The following CENPI variants were observed in gnomAD, a reference collection of about 807,000 sequenced individuals.
CENPI encodes centromere protein I.
Under a neutral mutation model 60.4 loss-of-function variants are expected in CENPI, and 4 were observed. The ratio of observed to expected loss-of-function variants is 0.07; its 90% confidence interval spans 0.03 to 0.15. The LOEUF (loss-of-function observed/expected upper bound fraction) is 0.15. CENPI is among the 10% of genes least tolerant of loss of function. The pLI, the probability that CENPI is intolerant of heterozygous loss-of-function variation, is 1.00. For synonymous variants in CENPI, 157 were observed against 189.4 expected (o/e 0.83, Z 1.40); for missense variants, 444 against 534.5 (o/e 0.83, Z 1.67).
chrX:101,164,374 C>T lies in CENPI; in HGVS notation c.*1407C>T, dbSNP rs1255176679. On this transcript the variant is annotated 3_prime_UTR_variant, in exon 22 of 22. Transcript: ENST00000682095. ...TTGAGATGGAGTCTCACTCTGTTGCCCAGGCTGGAGTGCAGAGGCATGATC... is the reference window on the plus strand; with the variant it reads ...TTGAGATGGAGTCTCACTCTGTTGCTCAGGCTGGAGTGCAGAGGCATGATC... 1.8e-5 allele frequency among the ~76,000 whole-genome samples: 2 copies of T among 110,919 alleles called. No homozygotes were observed. Among genetic ancestry groups the T allele is most frequent in the Non-Finnish European group, 3.8e-5 (2 of 52,989 alleles).
chrX:101,120,767 G>C lies in CENPI; in HGVS notation c.670G>C (p.Asp224His), dbSNP rs1205195916. 1 of 1,208,364 alleles carries C rather than the reference G, an allele frequency of 8.3e-7. No individual in the cohort carries two copies. The highest frequency in any genetic ancestry group is 1.1e-6 in the Non-Finnish European group (1 of 893,310). Reference sequence around the variant, plus strand: ...ACCATTTCGTGTGAGAAAACTGCTTGATCTTCAGGCCAAAATGGTGAGTAC... The same window carrying C: ...ACCATTTCGTGTGAGAAAACTGCTTCATCTTCAGGCCAAAATGGTGAGTAC... Reference protein sequence around the residue: ...VKPFRVRKLLDLQAKMGMQPH... With the variant: ...VKPFRVRKLLHLQAKMGMQPH... The change falls in exon 8 of 22, where the codon GAT (aspartate) becomes CAT (histidine). Residue 224 changes from aspartate to histidine, a missense_variant. Transcript: ENST00000682095.
In CENPI at chrX:101,138,773, G is replaced by A. The variant is rs752520738; in HGVS notation, c.1471-1893G>A. Among the ~76,000 whole-genome samples the A allele has an allele frequency of 2.8e-5, 3 of 108,424 alleles. No individual in the cohort carries two copies. In the South Asian group the frequency reaches 1.2e-3, roughly 44 times the overall value. The allele number at this position is 108,424 out of a possible 115,157, so 94.2% of individuals were successfully genotyped here. On this transcript the variant is annotated intron_variant, in intron 15 of 21. Transcript: ENST00000682095. The stretch of plus-strand genomic sequence containing the variant: ...CCTGAGTAGCTGGGACTACAGGCAC[G>A]TGCCACCATGCTTGGCTAATTTTTA...
Position 101,109,460 on chromosome X carries a change from G to A in CENPI, c.365-13G>A, listed in dbSNP as rs753416959. On this transcript the variant is annotated splice_polypyrimidine_tract_variant and intron_variant, in intron 4 of 21. Coordinates refer to ENST00000682095, the MANE Select transcript of CENPI (RefSeq NM_001386188.2). ...ACTAAAATGTAGTTTAATTTAGCTT[G>A]TCTCCTTTCCAGGAAATGCTGTAAA... The A allele has an allele frequency of 8.9e-7, 1 of 1,122,611 alleles. No homozygotes were observed. Among genetic ancestry groups the A allele is most frequent in the South Asian group, 1.8e-5 (1 of 54,250 alleles). The allele number at this position is 1,122,611 out of a possible 1,213,427, so 92.5% of individuals were successfully genotyped here.
intron 4 of CENPI, among the ~76,000 whole-genome samples, chrX:101,102,901 A>G (rs1410213325): frequency 1.0e-5 from 1 of 99,445 alleles, no homozygotes; most frequent in Non-Finnish European, 2.0e-5. Context: ...TGTGTTAGCC[A>G]AGATGGTCTC....
chrX:101,120,514 A>C lies in CENPI; in HGVS notation c.640+64A>C, dbSNP rs373546835. 39 of 650,152 alleles carry C rather than the reference A, an allele frequency of 6.0e-5. No individual in the cohort carries two copies. The African/African-American group carries it at 7.6e-4, about 13-fold the overall frequency. The allele number at this position is 650,152 out of a possible 1,213,427, so 53.6% of individuals were successfully genotyped here. On this transcript the variant is annotated intron_variant, in intron 7 of 21. Transcript: ENST00000682095. ...ATTAGCATTTGTATTGGCCTTTATAAAGTTAAAATAACTATTAGCATTAGT... is the reference window on the plus strand; with the variant it reads ...ATTAGCATTTGTATTGGCCTTTATACAGTTAAAATAACTATTAGCATTAGT...
At chrX:101,106,417 CT>C (rs148918897) in intron 4 of CENPI, among the ~76,000 whole-genome samples, 24,000 of 95,113 alleles carry the variant, frequency 0.25, 2,534 homozygotes, top group African/African-American at 0.3. Context: ...TCTATGACAT[CT>C]TTTTTTTTTT....
chrX:101,156,863 G>GTATA (rs56841992), intron 20 of CENPI, among the ~76,000 whole-genome samples: 1 of 109,524 alleles, frequency 9.1e-6, no homozygotes, highest in Non-Finnish European at 1.9e-5. Context: ...GTATTTCATC[G>GTATA]TATATATATA....
intron 3 of CENPI, 26 bp downstream of exon 3, chrX:101,101,322 A>G (rs1432097010): frequency 8.1e-6 from 8 of 986,554 alleles, no homozygotes; most frequent in Non-Finnish European, 1.0e-5. Context: ...TTTCCTTATG[A>G]AACTCCTATT....
intron 20 of CENPI, among the ~76,000 whole-genome samples, chrX:101,153,009 C>T (rs941154496): frequency 9.2e-6 from 1 of 108,220 alleles, no homozygotes; most frequent in Non-Finnish European, 1.9e-5. Flanking sequence ...GGAAGAACTT[C>T]CAGACTGTTT....
chrX:101,158,272 C>CTT lies in CENPI; in HGVS notation c.2095-3235_2095-3234dup, dbSNP rs35564589. On this transcript the variant is annotated intron_variant, in intron 20 of 21. Transcript: ENST00000682095. ...CTGTAAATTGCTTTGGGCAGTATGG[C>CTT]TTTTTTTTTTTTTTTTTTTTTTGAG... Among the ~76,000 whole-genome samples, 338 of 65,781 alleles carry CTT rather than the reference C, an allele frequency of 5.1e-3. 2 individuals carry two copies. Among genetic ancestry groups the CTT allele is most frequent in the Non-Finnish European group, 6.2e-3 (226 of 36,686 alleles). 57.1% of individuals were successfully genotyped at this position (65,781 alleles called of 115,157 possible). A position where few individuals can be genotyped will look rare whatever the true frequency, so the allele number is the denominator to read the frequency against.
chrX:101,146,294 C>T lies in CENPI; in HGVS notation c.1826+17C>T, dbSNP rs904604226. 3.4e-6 allele frequency: 4 copies of T among 1,182,946 alleles called. No homozygotes were observed. Among genetic ancestry groups the T allele is most frequent in the Non-Finnish European group, 4.6e-6 (4 of 876,872 alleles). ...TATGCACAGGTACAAAGCCTTTTTA[C>T]CATTTTATGAAACAGTGTATTATAA... On this transcript the variant is annotated intron_variant, in intron 18 of 21. Transcript: ENST00000682095.
At position 101,124,409 on chromosome X, in the gene CENPI, A is replaced by G. The variant is rs183347715; in HGVS notation, c.688-2300A>G. Among the ~76,000 whole-genome samples, 55 of 111,219 alleles carry G rather than the reference A, an allele frequency of 4.9e-4. 1 individual carries two copies. In the East Asian group the frequency reaches 0.01, roughly 21 times the overall value. On this transcript the variant is annotated intron_variant, in intron 8 of 21. Coordinates refer to ENST00000682095, the MANE Select transcript of CENPI (RefSeq NM_001386188.2). ...CTATCCACATTGCGGAGGGCAGTCA[A>G]TTTGCTTTATTCAAAGTCTACTGAT...
At chrX:101,102,932 C>T (rs192474403) in intron 4 of CENPI, among the ~76,000 whole-genome samples, 317 of 106,556 alleles carry the variant, frequency 3.0e-3, no homozygotes, top group Middle Eastern at 0.029. Flanking sequence ...CCTCGTGATC[C>T]GCCTGCCTCG....
At chrX:101,168,261 G>C (rs1182074660), downstream of CENPI, among the ~76,000 whole-genome samples, 1 of 112,644 alleles carries the variant, frequency 8.9e-6, no homozygotes, top group Non-Finnish European at 1.9e-5. Flanking sequence ...AGAGCAAACA[G>C]TAATGAATGG....
chrX:101,159,693 C>T (rs2090089149), intron 20 of CENPI, among the ~76,000 whole-genome samples: 1 of 110,417 alleles, frequency 9.1e-6, no homozygotes, highest in African/African-American at 3.3e-5. Flanking sequence ...AACTCCTGAC[C>T]TCAGGTGATC....
At chrX:101,122,209 T>G (rs1373638192) in intron 8 of CENPI, among the ~76,000 whole-genome samples, 1 of 111,956 alleles carries the variant, frequency 8.9e-6, no homozygotes, top group Non-Finnish European at 1.9e-5. Context: ...ATTTCCACTT[T>G]ACCTGCCAGG....
At chrX:101,171,279 T>G in the CENPI span, among the ~76,000 whole-genome samples, 1 of 106,332 alleles carries the variant, frequency 9.4e-6, no homozygotes, top group African/African-American at 3.4e-5. Flanking sequence ...TGGGACGGTA[T>G]AATAGTTGAA....
At chrX:101,166,142 CTAT>C (rs1003193847), downstream of CENPI, among the ~76,000 whole-genome samples, 2 of 111,343 alleles carry the variant, frequency 1.8e-5, no homozygotes, top group African/African-American at 6.5e-5. Flanking sequence ...TTTTTTGTGC[CTAT>C]TTCTCTTTTA....
chrX:101,157,572 C>T (rs1222216571), intron 20 of CENPI, among the ~76,000 whole-genome samples: 1 of 106,327 alleles, frequency 9.4e-6, no homozygotes, highest in African/African-American at 3.5e-5. Flanking sequence ...ATTACATGAG[C>T]CTAGGAAGTC....
Sources: allele counts gnomAD v4.1 joint callset (sites outside exome capture counted in the v4.1 genomes callset), GRCh38; gene constraint gnomAD v4.1.1; transcripts MANE v1.5; gene names NCBI Gene and HGNC (gene_info 2026-07-23, HGNC 2026-07-21).